SDF4: variants seen among roughly 807,000 people sequenced by gnomAD.
The protein encoded by SDF4 is 45 kDa calcium-binding protein.
SDF4 carries 22 observed loss-of-function variants against 34.2 expected under a neutral mutation model. The ratio of observed to expected loss-of-function variants is 0.64; its 90% CI spans 0.46 to 0.92. The LOEUF is 0.92. Ranked by LOEUF, SDF4 falls within the 40% of genes least tolerant of loss-of-function variation. SDF4 has a pLI of 0.00. For synonymous variants in SDF4, 236 were observed against 203.1 expected, an observed-to-expected ratio of 1.16 and a Z score of -1.38; for missense variants, 447 against 499.9, an observed-to-expected ratio of 0.89 and a Z score of 1.01.
rs1368944862 is a variant in SDF4, at chr1:1,220,519, C to G, written c.557-1592G>C. 7 of 1,210,300 alleles carry G rather than the reference C, an allele frequency of 5.8e-6. No homozygotes were observed. The East Asian group carries it at 4.1e-4, about 70-fold the overall frequency. 75.0% of individuals were successfully genotyped at this position (1,210,300 alleles called of 1,614,324 possible). ...GCAGCTGCTCTTCCTGAGCCAGAAACCAAATACCCAAAGAGGTCGGGGGGT... is the reference window on the plus strand; with the variant it reads ...GCAGCTGCTCTTCCTGAGCCAGAAAGCAAATACCCAAAGAGGTCGGGGGGT... On this transcript the variant is annotated intron_variant, in intron 4 of 6. Coordinates refer to ENST00000360001, the MANE Select transcript of SDF4 (RefSeq NM_016176.6).
At position 1,218,439 on chromosome 1, in the gene SDF4, C is replaced by T. The variant is rs755949600; in HGVS notation, c.891+19G>A. 28 of 1,605,434 alleles carry T rather than the reference C, an allele frequency of 1.7e-5. No homozygotes were observed. The Admixed American group carries it at 4.5e-4, about 26-fold the overall frequency. On this transcript the variant is annotated intron_variant, in intron 6 of 6. Transcript: ENST00000360001. This position sits in a 1 kb window ranked among gnomAD's most constrained non-coding sequence, Gnocchi z 7.9. ...ACCTCGCAGGGCCGGCTCCGGGACA[C>T]GGCTGCGCCAGGGCTCACCTCCAGC... is the stretch of plus-strand genomic sequence containing the variant.
chr1:1,221,319 C>T (rs1649943835), intron 4 of SDF4: 1 of 156,102 alleles, frequency 6.4e-6, no homozygotes, highest in Admixed American at 6.3e-5. Context: ...GGGGGGAGGC[C>T]GAGCGGGTCA....
chr1:1,220,805 C>G (rs1388983366), intron 4 of SDF4: 1 of 1,245,154 alleles, frequency 8.0e-7, no homozygotes, highest in East Asian at 5.7e-5. Context: ...CGGGCACGGG[C>G]AAGGCCTCCT....
chr1:1,222,783 G>T (rs1007004095), intron 4 of SDF4, among the ~76,000 whole-genome samples: 12 of 152,256 alleles, frequency 7.9e-5, no homozygotes, highest in African/African-American at 2.7e-4. Context: ...GGTCAGCAAC[G>T]GCTTCACCCA....
Position 1,217,551 on chromosome 1 carries a change from C to G in SDF4, c.1029G>C (p.Lys343Asn). The change falls in exon 7 of 7, where the codon AAG (lysine) becomes AAC (asparagine). Residue 343 changes from lysine (K) to asparagine (N), a missense_variant. Lys to Asn is a moderately conservative substitution (Grantham distance 94). Transcript: ENST00000360001. The surrounding 1 kb of genome is among the most constrained non-coding windows in gnomAD (Gnocchi z 8.5). ...LKYSEFFTGS[K>N]LVDYARSVHE... is the part of the protein sequence containing the mutation. ...GCACGCTGCGCGCGTAGTCCACCAG[C>G]TTGCTGCCCGTGAAGAACTCGCTGT... The G allele has an allele frequency of 6.2e-7, 1 of 1,613,054 alleles. No homozygotes were observed. Among genetic ancestry groups the G allele is most frequent in the Non-Finnish European group, 8.5e-7 (1 of 1,179,742 alleles).
At chr1:1,223,083 G>A (rs189960011) in intron 4 of SDF4, 161 bp downstream of exon 4, 58 of 605,416 alleles carry the variant, frequency 9.6e-5, no homozygotes, top group Non-Finnish European at 1.2e-4. Context: ...TCACGAGCAC[G>A]CGCACAGCAC....
rs1055400020 is a variant in SDF4, at chr1:1,217,259, C to T, written c.*253G>A. Reference sequence around the variant, plus strand: ...TCTCAGAAGTGAGATGCCACGATTTCGAGGGACCAGGGAGGAGGCGGCGCC... The same window carrying T: ...TCTCAGAAGTGAGATGCCACGATTTTGAGGGACCAGGGAGGAGGCGGCGCC... On this transcript the variant is annotated 3_prime_UTR_variant, in exon 7 of 7. Coordinates refer to ENST00000360001, the MANE Select transcript of SDF4 (RefSeq NM_016176.6). This position sits in a 1 kb window ranked among gnomAD's most constrained non-coding sequence, Gnocchi z 8.5. 1.6e-5 allele frequency: 3 copies of T among 187,784 alleles called. No homozygotes were observed. Among genetic ancestry groups the T allele is most frequent in the Admixed American group, 1.2e-4 (2 of 16,118 alleles). The allele number at this position is 187,784 out of a possible 1,614,324, so 11.6% of individuals were successfully genotyped here. A position where few individuals can be genotyped will look rare whatever the true frequency, so the allele number is the denominator to read the frequency against.
At position 1,217,098 on chromosome 1, in the gene SDF4, A is replaced by G. The variant is rs1265637537; in HGVS notation, c.*414T>C. ...TCCAGCGAAGTTTAATCTATTTTTA[A>G]TAATCGTTCAGTTTTCAAGGAAATG... On this transcript the variant is annotated 3_prime_UTR_variant, in exon 7 of 7. Transcript: ENST00000360001. The surrounding 1 kb of genome is among the most constrained non-coding windows in gnomAD (Gnocchi z 8.5). 1 of 152,272 alleles carries G rather than the reference A, an allele frequency of 6.6e-6. No homozygotes were observed. The allele number at this position is 152,272 out of a possible 1,614,324, so 9.4% of individuals were successfully genotyped here.
At chr1:1,225,813 G>A (rs1638286674) in intron 2 of SDF4, among the ~76,000 whole-genome samples, 1 of 152,128 alleles carries the variant, frequency 6.6e-6, no homozygotes. Flanking sequence ...ACACACACGA[G>A]GCAGAGCAAA....
Position 1,217,673 on chromosome 1 carries a change from T to G in SDF4, c.907A>C (p.Met303Leu). The G allele has an allele frequency of 3.1e-6, 5 of 1,613,834 alleles. No homozygotes were observed. Among genetic ancestry groups the G allele is most frequent in the Non-Finnish European group, 4.2e-6 (5 of 1,179,942 alleles). The change falls in exon 7 of 7, where the codon ATG becomes CTG. Residue 303 changes from methionine (M) to leucine (L), a missense_variant. Coordinates refer to ENST00000360001, the MANE Select transcript of SDF4 (RefSeq NM_016176.6). This position sits in a 1 kb window ranked among gnomAD's most constrained non-coding sequence, Gnocchi z 8.5. ...AEELESYMDP[M>L]NEYNALNEAK... Reference sequence around the variant, plus strand: ...TCGTTCAGCGCGTTGTACTCGTTCATGGGGTCCATGTAGCTCTGCGGGCGA... The same window carrying G: ...TCGTTCAGCGCGTTGTACTCGTTCAGGGGGTCCATGTAGCTCTGCGGGCGA...
chr1:1,223,178 ACAC>A (rs1449910015), intron 4 of SDF4, 63 bp downstream of exon 4: 3 of 1,103,372 alleles, frequency 2.7e-6, no homozygotes, highest in Non-Finnish European at 4.2e-6. Flanking sequence ...ACTCATGTAC[ACAC>A]AACACACGCG....
chr1:1,220,807 A>AGGCCTC, intron 4 of SDF4: 1 of 1,236,990 alleles, frequency 8.1e-7, no homozygotes, highest in South Asian at 1.3e-5. Context: ...GGCACGGGCA[A>AGGCCTC]GGCCTCCTGC....
At position 1,217,299 on chromosome 1, in the gene SDF4, C is replaced by T. The variant is rs1649562472; in HGVS notation, c.*213G>A. ...GAGGCGGCGCCGCGGGGCCACAGCC[C>T]AGCCCCGCGCCCCGACCGCGTCACA... On this transcript the variant is annotated 3_prime_UTR_variant, in exon 7 of 7. Transcript: ENST00000360001. The surrounding 1 kb of genome is among the most constrained non-coding windows in gnomAD (Gnocchi z 8.5). The T allele has an allele frequency of 4.3e-6, 1 of 233,702 alleles. No homozygotes were observed. Among genetic ancestry groups the T allele is most frequent in the Admixed American group, 5.9e-5 (1 of 17,066 alleles). The allele number at this position is 233,702 out of a possible 1,614,324, so 14.5% of individuals were successfully genotyped here. A position where few individuals can be genotyped will look rare whatever the true frequency, so the allele number is the denominator to read the frequency against.
At chr1:1,227,308 C>T (rs927683985) in intron 2 of SDF4, 5 of 152,220 alleles carry the variant, frequency 3.3e-5, no homozygotes, top group Non-Finnish European at 5.9e-5. Flanking sequence ...AAGGCGAGCT[C>T]GTGGCCAGGC....
In SDF4 at chr1:1,218,321, C is replaced by T. The variant is rs146007796; in HGVS notation, c.891+137G>A. On this transcript the variant is annotated intron_variant, in intron 6 of 6. Coordinates refer to ENST00000360001, the MANE Select transcript of SDF4 (RefSeq NM_016176.6). The surrounding 1 kb of genome is among the most constrained non-coding windows in gnomAD (Gnocchi z 7.9). ...AGCCTGGTGGACACCGCTGAGCAAACGCCCCAGTGACCAGCCCAGATGGAG... is the reference window on the plus strand; with the variant it reads ...AGCCTGGTGGACACCGCTGAGCAAATGCCCCAGTGACCAGCCCAGATGGAG... The T allele has an allele frequency of 3.9e-4, 354 of 917,970 alleles. 1 individual carries two copies. The African/African-American group carries it at 5.6e-3, about 15-fold the overall frequency. The allele number at this position is 917,970 out of a possible 1,614,324, so 56.9% of individuals were successfully genotyped here.
In SDF4 at chr1:1,223,332, C is replaced by G. The variant is rs369817388; in HGVS notation, c.468G>C (p.Lys156Asn). 4 of 1,613,306 alleles carry G rather than the reference C, an allele frequency of 2.5e-6. No individual in the cohort carries two copies. The African/African-American group carries it at 5.3e-5, about 22-fold the overall frequency. Reference sequence around the variant, plus strand: ...GGCCTTTACTCGCCAAAAACTTCACCTTATACTCGTCCCAAGACACGTGAC... The same window carrying G: ...GGCCTTTACTCGCCAAAAACTTCACGTTATACTCGTCCCAAGACACGTGAC... ...GDGHVSWDEY[K>N]VKFLASKGHS... The change falls in exon 4 of 7, where the codon AAG becomes AAC. Residue 156 changes from lysine to asparagine, a missense_variant. Transcript: ENST00000360001.
At chr1:1,226,180 G>T (rs991997451) in intron 2 of SDF4, among the ~76,000 whole-genome samples, 5 of 152,258 alleles carry the variant, frequency 3.3e-5, no homozygotes, top group African/African-American at 1.2e-4. Context: ...TGGGGCAGGT[G>T]GCACGGAGGC....
chr1:1,219,077 T>C (rs1419509399), intron 4 of SDF4, 150 bp from the exon 5 acceptor site: 4 of 1,554,628 alleles, frequency 2.6e-6, no homozygotes, highest in Admixed American at 1.9e-5. Flanking sequence ...CCCCAGAACA[T>C]GGCCCAGCCC....
intron 1 of SDF4, 84 bp downstream of exon 1, chr1:1,231,799 AGGCGGCGGC>A (rs1288851986): frequency 2.6e-5 from 4 of 152,140 alleles, no homozygotes; most frequent in Non-Finnish European, 5.9e-5. Flanking sequence ...CCAAGGCGGG[AGGCGGCGGC>A]GGCCTCCAGA....
Sources: gnomAD v4.1 joint callset for allele counts (sites outside exome capture counted in the v4.1 genomes callset) on GRCh38, gnomAD v4.1.1 for gene constraint, Gnocchi (gnomAD v3.1) non-coding constraint, MANE v1.5 for transcripts, NCBI Gene and HGNC (gene_info 2026-07-23, HGNC 2026-07-21) for gene names.